Variants in EYS observed in about 807,000 individuals in gnomAD.
EYS encodes protein eyes shut homolog.
A neutral mutation model predicts 282.1 loss-of-function variants in EYS; 250 were observed. The ratio of observed to expected loss-of-function variants is 0.89; its 90% CI spans 0.80 to 0.98. The LOEUF is 0.98. Among genes scored for constraint, EYS ranks in the 50% least tolerant of loss-of-function variants. EYS has a pLI of 0.00. For synonymous variants in EYS, 1,355 were observed against 1,282.9 expected (o/e 1.06, Z -1.20); for missense variants, 4,016 against 3,709.0 (o/e 1.08, Z -2.15).
At chr6:64,539,549 C>T (rs1007891235) in intron 26 of EYS, among the ~76,000 whole-genome samples, 2 of 152,050 alleles carry the variant, frequency 1.3e-5, no homozygotes, top group African/African-American at 4.8e-5. Context: ...CCAGCTTGGG[C>T]AACTGAGTGA....
chr6:65,275,470 G>C (rs1334914863), intron 12 of EYS, among the ~76,000 whole-genome samples: 3 of 152,194 alleles, frequency 2.0e-5, no homozygotes, highest in African/African-American at 7.2e-5. Context: ...GTTACATAAA[G>C]TGGCCCAAAT....
chr6:64,002,053 A>T (rs1768119877), intron 33 of EYS, among the ~76,000 whole-genome samples: 1 of 152,236 alleles, frequency 6.6e-6, no homozygotes, highest in Non-Finnish European at 1.5e-5. Context: ...CTGAGACATT[A>T]GCAGGCACAC....
At chr6:64,706,198 C>G (rs1000665257) in intron 22 of EYS, among the ~76,000 whole-genome samples, 1 of 151,956 alleles carries the variant, frequency 6.6e-6, no homozygotes, top group African/African-American at 2.4e-5. Context: ...TTCAACAAAG[C>G]AAACAAAAAC....
At position 64,081,996 on chromosome 6, in the gene EYS, C is replaced by A. The variant is rs1419891482; in HGVS notation, c.6431G>T (p.Gly2144Val). ...FTGRFCEKDA[G>V]LFFPSFNGNS... ...CCCATTGAAAGATGGAAAGAATAAA[C>A]CTGCATCTAAAAAAGAAAATGGTAT... is the stretch of plus-strand genomic sequence containing the variant. The change falls in exon 32 of 43, where the codon GGT becomes GTT. Residue 2144 changes from glycine to valine, a missense_variant. By Grantham distance (109) the Gly-to-Val change is moderately radical. Coordinates refer to ENST00000503581, the MANE Select transcript of EYS (RefSeq NM_001142800.2). 14 of 1,537,344 alleles carry A rather than the reference C, an allele frequency of 9.1e-6. No homozygotes were observed. The highest frequency in any genetic ancestry group is 1.8e-6 in the Non-Finnish European group (2 of 1,136,908).
chr6:64,033,557 G>A (rs1769965268), intron 33 of EYS, among the ~76,000 whole-genome samples: 1 of 152,062 alleles, frequency 6.6e-6, no homozygotes, highest in African/African-American at 2.4e-5. Context: ...CAGAAGTCCT[G>A]CTGCAAATAT....
intron 2 of EYS, among the ~76,000 whole-genome samples, chr6:65,527,517 A>T (rs1332598853): frequency 2.0e-5 from 3 of 152,216 alleles, no homozygotes; most frequent in Non-Finnish European, 4.4e-5. Flanking sequence ...AAAGTCATCC[A>T]GTTTCTCTTC....
intron 5 of EYS, among the ~76,000 whole-genome samples, chr6:65,467,522 T>TACAC (rs755653633): frequency 7.2e-6 from 1 of 139,550 alleles, no homozygotes; most frequent in Non-Finnish European, 1.6e-5. Context: ...CACACACACA[T>TACAC]ACACACACAC....
chr6:63,953,074 C>G (rs1765668570), intron 35 of EYS, among the ~76,000 whole-genome samples: 1 of 152,178 alleles, frequency 6.6e-6, no homozygotes, highest in Non-Finnish European at 1.5e-5. Flanking sequence ...AACCCATACA[C>G]TATTTTGTCC....
chr6:65,248,180 TTAAG>T (rs1386286562), intron 12 of EYS, among the ~76,000 whole-genome samples: 11 of 152,118 alleles, frequency 7.2e-5, no homozygotes, highest in African/African-American at 1.9e-4. Context: ...CCTACTATTA[TTAAG>T]TCAGAAATAT....
intron 12 of EYS, among the ~76,000 whole-genome samples, chr6:65,104,757 A>G (rs74790319): frequency 0.037 from 5,594 of 151,626 alleles, 360 homozygotes; most frequent in African/African-American, 0.13. Context: ...TTTATTTATC[A>G]GCATGAAACC....
intron 36 of EYS, among the ~76,000 whole-genome samples, chr6:63,835,845 T>C (rs1235548147): frequency 6.6e-6 from 1 of 152,082 alleles, no homozygotes; most frequent in Non-Finnish European, 1.5e-5. Context: ...AAGTGATAAA[T>C]TTGGCTATTT....
chr6:65,562,150 A>G (rs994605988), intron 2 of EYS, among the ~76,000 whole-genome samples: 6 of 151,974 alleles, frequency 3.9e-5, no homozygotes, highest in Non-Finnish European at 5.9e-5. Context: ...TGACTACTAT[A>G]TTTCCTCTGG....
intron 30 of EYS, among the ~76,000 whole-genome samples, chr6:64,256,945 G>T (rs1922961): frequency 0.69 from 104,499 of 151,850 alleles, 35,974 homozygotes; most frequent in South Asian, 0.71. Flanking sequence ...CTCCTTCATT[G>T]GTTCTCCAGA....
At chr6:64,789,883 TG>T (rs1774134616) in intron 22 of EYS, among the ~76,000 whole-genome samples, 1 of 92,578 alleles carries the variant, frequency 1.1e-5, no homozygotes, top group Admixed American at 1.4e-4. Flanking sequence ...TAAAGTTGTA[TG>T]ATATATATAT....
chr6:63,825,022 C>A (rs538077000), intron 36 of EYS, among the ~76,000 whole-genome samples: 1 of 152,290 alleles, frequency 6.6e-6, no homozygotes, highest in Non-Finnish European at 1.5e-5. Context: ...TCAAGCCCCT[C>A]TCACCCGCCA....
chr6:64,986,749 T>TACA (rs1430561296), intron 14 of EYS, among the ~76,000 whole-genome samples: 2 of 150,830 alleles, frequency 1.3e-5, no homozygotes, highest in Non-Finnish European at 3.0e-5. Context: ...TAATTTTAAA[T>TACA]TTTAGTTAAA....
chr6:63,795,784 A>G (rs1770630660), intron 37 of EYS, among the ~76,000 whole-genome samples: 1 of 152,180 alleles, frequency 6.6e-6, no homozygotes, highest in Non-Finnish European at 1.5e-5. Flanking sequence ...GAAGGAGGAA[A>G]AGAATCAAAG....
intron 12 of EYS, among the ~76,000 whole-genome samples, chr6:65,185,375 T>C (rs903083516): frequency 3.3e-5 from 5 of 151,804 alleles, no homozygotes; most frequent in African/African-American, 4.8e-5. Flanking sequence ...TGGCAGCCAT[T>C]GCCACCAGCT....
rs1770111408 is a variant in EYS, at chr6:63,778,088, C to A, written c.7816G>T (p.Val2606Phe). 1.9e-6 allele frequency: 3 copies of A among 1,551,640 alleles called. No homozygotes were observed. The African/African-American group carries it at 4.1e-5, about 21-fold the overall frequency. ...CAGGGAGAAGCATGACACTGGCCAA[C>A]ACTGCGTCCAGCATTTGGGTGGCCC... ...PEGHPNAGRSVGQCHASPCSL... is the reference protein window; with the variant it reads ...PEGHPNAGRSFGQCHASPCSL... Residue 2606 changes from valine (V) to phenylalanine (F), a missense_variant, in exon 40 of 43, where the codon GTT (valine) becomes TTT (phenylalanine). Physicochemically the swap from Val to Phe is conservative, Grantham distance 50. Transcript: ENST00000503581.
Sources: allele counts gnomAD v4.1 joint callset (sites outside exome capture counted in the v4.1 genomes callset), GRCh38; gene constraint gnomAD v4.1.1; transcripts MANE v1.5; gene names NCBI Gene and HGNC (gene_info 2026-07-23, HGNC 2026-07-21).